The following PMPCB variants were observed in gnomAD, a reference collection of about 807,000 sequenced individuals.
PMPCB encodes the protein peptidase, mitochondrial processing subunit beta, also known as mitochondrial-processing peptidase subunit beta.
Under a neutral mutation model 61.5 loss-of-function variants are expected in PMPCB, and 46 were observed. The observed-to-expected ratio is 0.75, with a 90% CI of 0.59 to 0.96. The LOEUF (loss-of-function observed/expected upper bound fraction) is 0.96, where lower values mean the gene tolerates loss of function less well. Among genes scored for constraint, PMPCB ranks in the 40% least tolerant of loss-of-function variants. The pLI, the probability that PMPCB is intolerant of heterozygous loss-of-function variation, is 0.00. For synonymous variants in PMPCB, 191 were observed against 201.6 expected (o/e 0.95, Z 0.44); for missense variants, 590 against 602.4 (o/e 0.98, Z 0.22).
the PMPCB span, among the ~76,000 whole-genome samples, chr7:103,343,930 G>A: frequency 6.6e-6 from 1 of 152,208 alleles, no homozygotes; most frequent in East Asian, 1.9e-4. Flanking sequence ...GGGAATTACT[G>A]TAGATCACTG....
chr7:103,320,018 A>G (rs1488704874), intron 12 of PMPCB, among the ~76,000 whole-genome samples: 1 of 152,220 alleles, frequency 6.6e-6, no homozygotes, highest in African/African-American at 2.4e-5. Flanking sequence ...TGGACAACAG[A>G]GCAAGACTCC....
At chr7:103,341,950 A>G in the PMPCB span, 1 of 1,579,478 alleles carries the variant, frequency 6.3e-7, no homozygotes, top group Non-Finnish European at 8.6e-7. Context: ...GACAGAGTGT[A>G]GAGGCTGTGA....
chr7:103,306,892 A>G (rs916124396), intron 6 of PMPCB, among the ~76,000 whole-genome samples: 6 of 152,090 alleles, frequency 3.9e-5, no homozygotes, highest in African/African-American at 1.4e-4. Context: ...AATAGCTGGG[A>G]TTATTACAGG....
chr7:103,302,244 A>T (rs1056469217), intron 4 of PMPCB, among the ~76,000 whole-genome samples: 9 of 152,238 alleles, frequency 5.9e-5, no homozygotes, highest in African/African-American at 2.2e-4. Flanking sequence ...TATTGTGAAT[A>T]GTGCTGCAGT....
rs1817394192 is a variant in PMPCB at position 103,299,650 on chromosome 7, A to AGG, written c.327+122_327+123dup. The stretch of plus-strand genomic sequence containing the variant: ...TAACATGTTTTATGTTTATTTTTCC[A>AGG]GGACAGTATCTAAAATAAGTAGTGA... On this transcript the variant is annotated intron_variant, in intron 3 of 12. Transcript: ENST00000249269. The AGG allele has an allele frequency of 5.2e-6, 3 of 574,692 alleles. No homozygotes were observed. The South Asian group carries it at 7.7e-5, about 15-fold the overall frequency. The allele number at this position is 574,692 out of a possible 1,614,324, so 35.6% of individuals were successfully genotyped here.
the PMPCB span, chr7:103,344,822 AC>A: frequency 1.6e-5 from 10 of 607,672 alleles, no homozygotes; most frequent in African/African-American, 1.7e-4. Flanking sequence ...ACACCCTCCC[AC>A]CCCCGCCAAC....
intron 11 of PMPCB, 53 bp from the exon 12 acceptor site, chr7:103,312,003 T>C (rs1817772944): frequency 2.5e-6 from 4 of 1,579,744 alleles, no homozygotes; most frequent in South Asian, 2.3e-5. Context: ...GTTCCAGGTA[T>C]AGACTTTGTT....
At chr7:103,319,973 G>C (rs1818290859) in intron 12 of PMPCB, 1 of 894,022 alleles carries the variant, frequency 1.1e-6, no homozygotes, top group African/African-American at 1.7e-5. Flanking sequence ...GGCGGAAATT[G>C]CAGCAAACTG....
the PMPCB span, among the ~76,000 whole-genome samples, chr7:103,338,806 A>G: frequency 3.3e-5 from 5 of 152,018 alleles, no homozygotes; most frequent in Non-Finnish European, 7.4e-5. Context: ...GCTACTCGGG[A>G]GGCTGAGGCA....
rs796409569 is a variant in PMPCB at position 103,312,740 on chromosome 7, A to G, written c.*469A>G. 1.6e-5 allele frequency: 25 copies of G among 1,547,288 alleles called. No individual in the cohort carries two copies. In the African/African-American group the frequency reaches 2.8e-4, roughly 17 times the overall value. ...TAAAGAATTCAAGCAACTAAGATAG[A>G]TAGTACTAAATATACTGATTTCATT... On this transcript the variant is annotated 3_prime_UTR_variant, in exon 13 of 13. Transcript: ENST00000249269.
rs1322776440 is a variant in PMPCB, at chr7:103,301,328, A to AT, written c.457+1023dup. The stretch of plus-strand genomic sequence containing the variant: ...CTTAATATGATACCCTAACTTTTGC[A>AT]TTAAAACAAAAATGACAGCAACGAT... On this transcript the variant is annotated intron_variant, in intron 4 of 12. Coordinates refer to ENST00000249269, the MANE Select transcript of PMPCB (RefSeq NM_004279.3). Among the ~76,000 whole-genome samples the AT allele has an allele frequency of 1.1e-4, 17 of 152,360 alleles. No individual in the cohort carries two copies. The South Asian group carries it at 3.5e-3, about 32-fold the overall frequency.
chr7:103,332,012 T>C (rs1818994042), downstream of PMPCB, among the ~76,000 whole-genome samples: 2 of 152,062 alleles, frequency 1.3e-5, no homozygotes, highest in African/African-American at 4.8e-5. Context: ...TTGCTATTTT[T>C]TTTTTTTTTT....
chr7:103,319,164 C>T (rs1345098608), downstream of PMPCB, among the ~76,000 whole-genome samples: 2 of 152,042 alleles, frequency 1.3e-5, no homozygotes, highest in South Asian at 2.1e-4. Flanking sequence ...ACAGGCTGGG[C>T]GTGGTGGTTC....
chr7:103,321,870 G>A (rs1818440377), intron 12 of PMPCB: 1 of 1,532,696 alleles, frequency 6.5e-7, no homozygotes, highest in Non-Finnish European at 8.9e-7. Context: ...ACAAAAAGAA[G>A]TATTTTTGCT....
chr7:103,323,604 G>T, intron 12 of PMPCB: 2 of 1,470,670 alleles, frequency 1.4e-6, no homozygotes, highest in Admixed American at 2.1e-5. Context: ...ATACCATTCT[G>T]CTTTTTCTTT....
chr7:103,314,465 C>T lies in PMPCB; in HGVS notation c.*2194C>T, dbSNP rs1172491899. ...TTGCCTTCACAGGGTCACCTCTCCTCACAGAAAGCAGACTGGACAAATATC... is the reference window on the plus strand; with the variant it reads ...TTGCCTTCACAGGGTCACCTCTCCTTACAGAAAGCAGACTGGACAAATATC... On this transcript the variant is annotated 3_prime_UTR_variant, in exon 13 of 13. Transcript: ENST00000249269. 15 of 985,288 alleles carry T rather than the reference C, an allele frequency of 1.5e-5. No homozygotes were observed. Among genetic ancestry groups the T allele is most frequent in the Non-Finnish European group, 1.8e-5 (15 of 829,928 alleles). The allele number at this position is 985,288 out of a possible 1,614,324, so 61.0% of individuals were successfully genotyped here.
At chr7:103,309,126 C>A in intron 8 of PMPCB, 31 bp downstream of exon 8, 1 of 1,533,210 alleles carries the variant, frequency 6.5e-7, no homozygotes, top group South Asian at 1.2e-5. Flanking sequence ...TTTTCCATAA[C>A]AGATGGAAGA....
At chr7:103,316,931 T>C (rs1216003900), downstream of PMPCB, 1 of 1,614,108 alleles carries the variant, frequency 6.2e-7, no homozygotes, top group Non-Finnish European at 8.5e-7. Flanking sequence ...CACCAGTTGA[T>C]TTCTCTGTGT....
Position 103,322,172 on chromosome 7 carries a change from A to T in PMPCB, c.*1432-6759A>T. The T allele has an allele frequency of 3.0e-6, 3 of 1,004,914 alleles. No individual in the cohort carries two copies. The South Asian group carries it at 8.1e-5, about 27-fold the overall frequency. 62.2% of individuals were successfully genotyped at this position (1,004,914 alleles called of 1,614,324 possible). ...TAAAAATTTAAACTTTTAATAAATT[A>T]TATTAGGAAAAAAGGCAACATAAAC... On this transcript the variant is annotated intron_variant and NMD_transcript_variant, in intron 12 of 12. Transcript: ENST00000444457.
Sources: gnomAD v4.1 joint callset for allele counts (sites outside exome capture counted in the v4.1 genomes callset) on GRCh38, gnomAD v4.1.1 for gene constraint, MANE v1.5 for transcripts, NCBI Gene and HGNC (gene_info 2026-07-23, HGNC 2026-07-21) for gene names.